COL4A4: variants seen among roughly 807,000 people sequenced by gnomAD.
COL4A4 encodes collagen alpha-4(IV) chain.
Under a neutral mutation model 192.9 loss-of-function variants are expected in COL4A4, and 105 were observed. That is an observed-to-expected ratio of 0.54 (90% CI 0.46 to 0.64). The LOEUF (loss-of-function observed/expected upper bound fraction) is 0.64, where lower values mean the gene tolerates loss of function less well. COL4A4 is among the 30% of genes least tolerant of loss of function. The pLI, the probability that COL4A4 is intolerant of heterozygous loss-of-function variation, is 0.00. For synonymous variants in COL4A4, 762 were observed against 769.9 expected (o/e 0.99, Z 0.17); for missense variants, 1,967 against 2,169.3 (o/e 0.91, Z 1.85).
intron 46 of COL4A4, 93 bp from the exon 47 acceptor site, chr2:227,008,397 T>A (rs1962701886): frequency 7.1e-7 from 1 of 1,415,454 alleles, no homozygotes; most frequent in South Asian, 1.2e-5. Flanking sequence ...TGCAGATACG[T>A]GTTCTGAAAT....
Position 227,047,534 on chromosome 2 carries a change from G to A in COL4A4, c.3230C>T (p.Pro1077Leu). Reference sequence around the variant, plus strand: ...ACCAGGTGGACCAAAGTGACTGGCAGGGTCACCTTTGTTTCCTGAAAGGGA... The same window carrying A: ...ACCAGGTGGACCAAAGTGACTGGCAAGGTCACCTTTGTTTCCTGAAAGGGA... ...ARGPKGNKGDPASHFGPPGPK... is the reference protein window; with the variant it reads ...ARGPKGNKGDLASHFGPPGPK... Residue 1077 changes from proline to leucine, a missense_variant, in exon 35 of 48, where the codon CCT (proline) becomes CTT (leucine). Coordinates refer to ENST00000396625, the MANE Select transcript of COL4A4 (RefSeq NM_000092.5). The A allele has an allele frequency of 6.2e-7, 1 of 1,613,472 alleles. No homozygotes were observed. The highest frequency in any genetic ancestry group is 1.1e-5 in the South Asian group (1 of 91,044).
chr2:227,160,863 T>C (rs938259399), intron 1 of COL4A4, among the ~76,000 whole-genome samples: 22 of 152,172 alleles, frequency 1.4e-4, no homozygotes, highest in African/African-American at 5.3e-4. Context: ...CAAGAAATGA[T>C]ATGAGTTGGT....
chr2:227,023,779 CAA>C (rs1966475848), intron 43 of COL4A4, among the ~76,000 whole-genome samples: 1 of 152,036 alleles, frequency 6.6e-6, no homozygotes, highest in Non-Finnish European at 1.5e-5. Flanking sequence ...TTTGGGAGGC[CAA>C]GATGGACAGA....
the COL4A4 span, among the ~76,000 whole-genome samples, chr2:226,969,913 T>G: frequency 2.0e-5 from 3 of 152,130 alleles, no homozygotes; most frequent in Non-Finnish European, 4.4e-5. Context: ...AAAGGGAATC[T>G]TGAACTCAGA....
chr2:227,085,977 A>G (rs2059582349), intron 22 of COL4A4, among the ~76,000 whole-genome samples: 1 of 152,182 alleles, frequency 6.6e-6, no homozygotes, highest in African/African-American at 2.4e-5. Context: ...CTTACCAACA[A>G]GCCTCTAAGA....
At chr2:227,096,282 G>A (rs1441158926) in intron 19 of COL4A4, among the ~76,000 whole-genome samples, 3 of 152,148 alleles carry the variant, frequency 2.0e-5, no homozygotes, top group African/African-American at 7.2e-5. Context: ...AATCAGAGAG[G>A]TGTCCAGGCA....
chr2:227,139,257 C>G (rs547602492), intron 4 of COL4A4, among the ~76,000 whole-genome samples: 49 of 152,284 alleles, frequency 3.2e-4, no homozygotes, highest in Middle Eastern at 3.4e-3. Context: ...GTAAGCCACC[C>G]AGTCTATGGT....
At chr2:227,019,672 T>C (rs1261962264) in intron 44 of COL4A4, among the ~76,000 whole-genome samples, 3 of 152,198 alleles carry the variant, frequency 2.0e-5, no homozygotes, top group Admixed American at 6.5e-5. Context: ...CTTTGTTTTG[T>C]TTCGTTTTGT....
chr2:227,092,682 C>A, intron 20 of COL4A4, among the ~76,000 whole-genome samples: 1 of 152,236 alleles, frequency 6.6e-6, no homozygotes, highest in South Asian at 2.1e-4. Context: ...TCTGGAAAAG[C>A]AATAATTTAT....
chr2:227,131,596 CTTGTCTGAACACTTGTAGGG>C (rs2062472292), intron 4 of COL4A4, among the ~76,000 whole-genome samples: 1 of 152,216 alleles, frequency 6.6e-6, no homozygotes, highest in Non-Finnish European at 1.5e-5. Context: ...GGCTGTTCCC[CTTGTCTGAACACTTGTAGGG>C]AGCTGAATGG....
intron 6 of COL4A4, 143 bp downstream of exon 6, chr2:227,119,752 T>C (rs1394959828): frequency 3.1e-6 from 1 of 326,948 alleles, no homozygotes; most frequent in Admixed American, 4.6e-5. Flanking sequence ...TTGTGGTATA[T>C]ATAGCAAATA....
the COL4A4 span, among the ~76,000 whole-genome samples, chr2:226,991,606 A>G: frequency 6.6e-6 from 1 of 152,248 alleles, no homozygotes; most frequent in African/African-American, 2.4e-5. Flanking sequence ...ATTTACTGTC[A>G]TGTGGCACTC....
intron 37 of COL4A4, among the ~76,000 whole-genome samples, chr2:227,041,870 G>A (rs1217219925): frequency 7.4e-6 from 1 of 135,200 alleles, no homozygotes; most frequent in African/African-American, 3.1e-5. Context: ...AAGAAAGAAA[G>A]AAAGAAAGAA....
chr2:227,013,153 G>C (rs965224542), intron 44 of COL4A4, among the ~76,000 whole-genome samples: 1 of 152,090 alleles, frequency 6.6e-6, no homozygotes, highest in Non-Finnish European at 1.5e-5. Context: ...ATCTCCCTTC[G>C]GTCAGGGGAG....
chr2:226,995,847 C>G, the COL4A4 span: 1 of 293,982 alleles, frequency 3.4e-6, no homozygotes, highest in East Asian at 7.3e-5. Flanking sequence ...TGACCTTCAC[C>G]AGGAGGTTTT....
chr2:227,084,944 C>T (rs1196417611), intron 22 of COL4A4, among the ~76,000 whole-genome samples: 1 of 151,884 alleles, frequency 6.6e-6, no homozygotes, highest in Non-Finnish European at 1.5e-5. Flanking sequence ...CCAGCCTGAC[C>T]AAAAAGGTGA....
intron 24 of COL4A4, 73 bp downstream of exon 24, chr2:227,080,370 G>A (rs955181816): frequency 2.9e-6 from 4 of 1,355,950 alleles, no homozygotes; most frequent in Non-Finnish European, 4.2e-6. Context: ...GGCAAATAGA[G>A]AAAGGGGAAA....
At chr2:227,017,963 G>A (rs1329758378) in intron 44 of COL4A4, among the ~76,000 whole-genome samples, 1 of 152,122 alleles carries the variant, frequency 6.6e-6, no homozygotes, top group East Asian at 1.9e-4. Context: ...GAGGGGAGGA[G>A]GAGGTAGAGG....
chr2:227,028,641 A>G (rs886830777), intron 41 of COL4A4, among the ~76,000 whole-genome samples: 1 of 120,458 alleles, frequency 8.3e-6, no homozygotes, highest in Non-Finnish European at 1.7e-5. Flanking sequence ...TTTATAAAAG[A>G]AATTTATTAT....
Sources: allele counts gnomAD v4.1 joint callset (sites outside exome capture counted in the v4.1 genomes callset), GRCh38; gene constraint gnomAD v4.1.1; transcripts MANE v1.5; gene names NCBI Gene and HGNC (gene_info 2026-07-23, HGNC 2026-07-21).